The following GOLIM4 variants were observed in gnomAD, a reference collection of about 807,000 sequenced individuals.
The protein encoded by GOLIM4 is 130 kDa golgi-localized phosphoprotein.
GOLIM4 carries 71 observed loss-of-function variants against 107.4 expected under a neutral mutation model. The ratio of observed to expected loss-of-function variants is 0.66; its 90% CI spans 0.55 to 0.81. The LOEUF (loss-of-function observed/expected upper bound fraction) is 0.81. Among genes scored for constraint, GOLIM4 ranks in the 30% least tolerant of loss-of-function variants. GOLIM4 has a pLI of 0.00. For missense variants in GOLIM4, 830 were observed against 826.1 expected, an observed-to-expected ratio of 1.00 and a Z score of -0.06; for synonymous variants, 327 against 294.8, an observed-to-expected ratio of 1.11 and a Z score of -1.12.
chr3:168,079,323 G>A (rs766923460), intron 1 of GOLIM4, among the ~76,000 whole-genome samples: 1 of 152,170 alleles, frequency 6.6e-6, no homozygotes, highest in Non-Finnish European at 1.5e-5. Context: ...CCAGACACAA[G>A]AGCATATATT....
intron 1 of GOLIM4, among the ~76,000 whole-genome samples, chr3:168,084,851 G>C (rs1721544578): frequency 1.3e-5 from 2 of 151,970 alleles, no homozygotes; most frequent in South Asian, 2.1e-4. Flanking sequence ...ATGAAAGTGA[G>C]AAAATGTTTA....
chr3:168,082,250 A>G (rs1721410301), intron 1 of GOLIM4, among the ~76,000 whole-genome samples: 1 of 152,196 alleles, frequency 6.6e-6, no homozygotes, highest in Admixed American at 6.6e-5. Flanking sequence ...TAAGGAAGAC[A>G]GGATCACAGG....
intron 1 of GOLIM4, among the ~76,000 whole-genome samples, chr3:168,049,995 T>A (rs1051553524): frequency 6.6e-6 from 1 of 152,156 alleles, no homozygotes; most frequent in Non-Finnish European, 1.5e-5. Context: ...CAAATTTGTA[T>A]GGTGTGGTCC....
chr3:168,017,186 CT>C (rs368578140), intron 14 of GOLIM4, among the ~76,000 whole-genome samples: 214 of 152,218 alleles, frequency 1.4e-3, no homozygotes, highest in African/African-American at 5.0e-3. Context: ...AGACATTTAG[CT>C]TGTAAAATCA....
chr3:168,023,762 T>C (rs9850445), intron 14 of GOLIM4, among the ~76,000 whole-genome samples: 4,489 of 152,270 alleles, frequency 0.029, 208 homozygotes, highest in African/African-American at 0.1. Flanking sequence ...CTCTTAAATA[T>C]TGCAGTTGTT....
chr3:168,039,776 A>G (rs1718873242), intron 7 of GOLIM4, among the ~76,000 whole-genome samples: 1 of 152,208 alleles, frequency 6.6e-6, no homozygotes, highest in African/African-American at 2.4e-5. Context: ...ATATAAAATA[A>G]TACTTGACAA....
intron 9 of GOLIM4, among the ~76,000 whole-genome samples, chr3:168,030,553 A>T (rs1718270190): frequency 6.6e-6 from 1 of 152,052 alleles, no homozygotes; most frequent in African/African-American, 2.4e-5. Flanking sequence ...TAATAGTGGA[A>T]AAGCAGATAT....
intron 14 of GOLIM4, among the ~76,000 whole-genome samples, chr3:168,022,773 C>T (rs1717781331): frequency 6.6e-6 from 1 of 152,180 alleles, no homozygotes; most frequent in East Asian, 1.9e-4. Context: ...TAACCTGGAG[C>T]ACATGCTGGA....
intron 1 of GOLIM4, among the ~76,000 whole-genome samples, chr3:168,052,274 G>C (rs576804459): frequency 1.3e-5 from 2 of 151,942 alleles, no homozygotes; most frequent in African/African-American, 2.4e-5. Flanking sequence ...AAAATCAGGC[G>C]ATCTCCCCTG....
chr3:168,056,939 T>C (rs751888877), intron 1 of GOLIM4, among the ~76,000 whole-genome samples: 24 of 151,948 alleles, frequency 1.6e-4, no homozygotes, highest in Admixed American at 2.6e-4. Flanking sequence ...GCATAATTGG[T>C]TTTGAAATGT....
intron 1 of GOLIM4, among the ~76,000 whole-genome samples, chr3:168,083,574 T>A (rs185410044): frequency 6.6e-6 from 1 of 152,200 alleles, no homozygotes; most frequent in Non-Finnish European, 1.5e-5. Context: ...TTCTTGCTAA[T>A]ATATTTCCAA....
At chr3:168,021,385 G>A (rs1717673770) in intron 14 of GOLIM4, among the ~76,000 whole-genome samples, 1 of 152,132 alleles carries the variant, frequency 6.6e-6, no homozygotes, top group South Asian at 2.1e-4. Context: ...AAGCTTCTTG[G>A]CCAGGCATGG....
intron 1 of GOLIM4, among the ~76,000 whole-genome samples, chr3:168,055,277 C>T (rs1719880408): frequency 6.6e-6 from 1 of 152,116 alleles, no homozygotes; most frequent in African/African-American, 2.4e-5. Context: ...TGCTGAATGG[C>T]TTTAAGCAAA....
intron 12 of GOLIM4, 135 bp downstream of exon 12, chr3:168,027,593 T>C (rs902389381): frequency 1.7e-5 from 11 of 659,438 alleles, no homozygotes; most frequent in East Asian, 1.3e-4. Flanking sequence ...TATATAATTA[T>C]GCAAGCCATT....
At chr3:168,062,755 G>A (rs948707624) in intron 1 of GOLIM4, among the ~76,000 whole-genome samples, 2 of 152,192 alleles carry the variant, frequency 1.3e-5, no homozygotes, top group African/African-American at 4.8e-5. Context: ...ATCATTGACA[G>A]AGGGCGAGGA....
At chr3:168,059,983 C>T (rs1366637291) in intron 1 of GOLIM4, among the ~76,000 whole-genome samples, 1 of 151,988 alleles carries the variant, frequency 6.6e-6, no homozygotes, top group African/African-American at 2.4e-5. Flanking sequence ...GTGACTGAGG[C>T]AGGGTGAGCC....
chr3:168,013,841 C>A (rs1343357501), intron 14 of GOLIM4, among the ~76,000 whole-genome samples: 1 of 151,098 alleles, frequency 6.6e-6, no homozygotes, highest in African/African-American at 2.5e-5. Flanking sequence ...TTCAAACCAA[C>A]GAGAACAAAG....
At position 168,013,484 on chromosome 3, in the gene GOLIM4, G is replaced by A. The variant is rs960573880; in HGVS notation, c.1861-2661C>T. Among the ~76,000 whole-genome samples the A allele has an allele frequency of 5.1e-4, 73 of 142,906 alleles. 1 individual carries two copies. The highest frequency in any genetic ancestry group is 2.1e-3 in the African/African-American group (70 of 33,660). The allele number at this position is 142,906 out of a possible 152,430, so 93.8% of individuals were successfully genotyped here. The stretch of plus-strand genomic sequence containing the variant: ...CTGTCAACATTAGACAGATCAACGA[G>A]ACAGAAAGTCAACAAGGATACCCAG... On this transcript the variant is annotated intron_variant, in intron 14 of 15. Transcript: ENST00000470487.
At chr3:168,047,043 C>CTT (rs1356805096) in intron 2 of GOLIM4, 44 bp from the exon 3 acceptor site, 2 of 913,974 alleles carry the variant, frequency 2.2e-6, no homozygotes, top group East Asian at 5.6e-5. Context: ...ATTCACTACA[C>CTT]AGATTTTAAA....
Sources: allele counts gnomAD v4.1 joint callset (sites outside exome capture counted in the v4.1 genomes callset), GRCh38; gene constraint gnomAD v4.1.1; transcripts MANE v1.5; gene names NCBI Gene and HGNC (gene_info 2026-07-23, HGNC 2026-07-21).